The following MYO16 variants were observed in gnomAD, a reference collection of about 807,000 sequenced individuals.
The protein encoded by MYO16 is myosin XVI.
Under a neutral mutation model 205.3 loss-of-function variants are expected in MYO16, and 94 were observed. That is an observed-to-expected ratio of 0.46 (90% CI 0.39 to 0.54). MYO16 has a LOEUF of 0.54. MYO16 is among the 20% of genes least tolerant of loss of function. The pLI is 0.00. For missense variants in MYO16, 2,315 were observed against 2,387.5 expected (o/e 0.97, Z 0.63); for synonymous variants, 988 against 954.0 (o/e 1.04, Z -0.66).
chr13:108,520,282 CGAT>C, the MYO16 span, among the ~76,000 whole-genome samples: 3 of 151,764 alleles, frequency 2.0e-5, no homozygotes, highest in Non-Finnish European at 2.9e-5. Flanking sequence ...ATTTACAAAA[CGAT>C]AATATGCACA....
At chr13:109,015,579 A>G (rs766501562) in intron 22 of MYO16, among the ~76,000 whole-genome samples, 10 of 152,142 alleles carry the variant, frequency 6.6e-5, no homozygotes, top group Non-Finnish European at 1.3e-4. Flanking sequence ...TTGGCTGTGA[A>G]TCCATCTGGT....
Position 108,957,739 on chromosome 13 carries a change from G to A in MYO16, c.1977G>A (p.Leu659=). ...ATGCATCCACAGGGGAGCGTTCTCT[G>A]AACAGGGAGAAATTGGCTGTTTTGA... The part of the protein sequence containing the change: ...QDDASTGERS[L]NREKLAVLKR... Residue 659 remains leucine (L), a synonymous_variant, in exon 17 of 35, where the codon CTG becomes CTA. Transcript: ENST00000457511. 1 of 1,613,654 alleles carries A rather than the reference G, an allele frequency of 6.2e-7. No homozygotes were observed. Among genetic ancestry groups the A allele is most frequent in the Non-Finnish European group, 8.5e-7 (1 of 1,179,626 alleles).
chr13:108,774,287 T>C (rs1489952391), intron 4 of MYO16, among the ~76,000 whole-genome samples: 2 of 152,220 alleles, frequency 1.3e-5, no homozygotes, highest in Non-Finnish European at 2.9e-5. Flanking sequence ...AAATTAAATT[T>C]CCATTTGTAG....
intron 16 of MYO16, among the ~76,000 whole-genome samples, chr13:108,923,570 C>A (rs1281972605): frequency 1.3e-5 from 2 of 152,210 alleles, no homozygotes; most frequent in African/African-American, 4.8e-5. Flanking sequence ...TATGGCCAAC[C>A]CGCTGGCCAG....
rs117315105 is a variant in MYO16 at position 109,053,099 on chromosome 13, C to T, written c.3048+624C>T. Among the ~76,000 whole-genome samples the T allele has an allele frequency of 4.9e-3, 744 of 152,196 alleles. 6 individuals carry two copies. Among genetic ancestry groups the T allele is most frequent in the Non-Finnish European group, 7.3e-3 (494 of 67,986 alleles). ...ATGTATGGAATGTTTTAGGTTTCTT[C>T]AGAATCCAGTGCCAGATGGTATTCC... On this transcript the variant is annotated intron_variant, in intron 25 of 34. Coordinates refer to ENST00000457511, the MANE Select transcript of MYO16 (RefSeq NM_001198950.3).
rs781483354 is a variant in MYO16 at position 108,629,720 on chromosome 13, A to G, written c.-125A>G. On this transcript the variant is annotated 5_prime_UTR_variant, in exon 1 of 35. Coordinates refer to ENST00000457511, the MANE Select transcript of MYO16 (RefSeq NM_001198950.3). Reference sequence around the variant, plus strand: ...GATCATGGAACAGAGCCTCCATGCAATAGTGCATCCTGAGGTAAACTGTTA... The same window carrying G: ...GATCATGGAACAGAGCCTCCATGCAGTAGTGCATCCTGAGGTAAACTGTTA... 1.6e-5 allele frequency: 13 copies of G among 806,510 alleles called. No homozygotes were observed. Among genetic ancestry groups the G allele is most frequent in the East Asian group, 8.2e-5 (3 of 36,488 alleles). 50.0% of individuals were successfully genotyped at this position (806,510 alleles called of 1,614,324 possible). A position where few individuals can be genotyped will look rare whatever the true frequency, so the allele number is the denominator to read the frequency against.
At chr13:108,794,143 AAAG>A (rs1322509221) in intron 6 of MYO16, among the ~76,000 whole-genome samples, 1 of 152,226 alleles carries the variant, frequency 6.6e-6, no homozygotes, top group Non-Finnish European at 1.5e-5. Flanking sequence ...ACATGGACAC[AAAG>A]AAGGAGACGA....
chr13:109,036,528 C>T (rs879757064), intron 23 of MYO16, among the ~76,000 whole-genome samples: 22 of 152,288 alleles, frequency 1.4e-4, no homozygotes, highest in Admixed American at 1.3e-3. Context: ...TCACTGCTCT[C>T]AAGTTTATAT....
chr13:108,712,644 C>T lies in MYO16; in HGVS notation c.293-17C>T. On this transcript the variant is annotated splice_polypyrimidine_tract_variant and intron_variant, in intron 2 of 34. Transcript: ENST00000457511. ...AAGGACTCTCTGTAACTCCATTCTC[C>T]TCTCTGTTGTTTTCAGTGCTTCGGC... The T allele has an allele frequency of 6.2e-7, 1 of 1,611,850 alleles. No homozygotes were observed. Among genetic ancestry groups the T allele is most frequent in the Non-Finnish European group, 8.5e-7 (1 of 1,177,868 alleles).
intron 2 of MYO16, among the ~76,000 whole-genome samples, chr13:108,691,937 G>C (rs1252746436): frequency 6.6e-6 from 1 of 152,158 alleles, no homozygotes; most frequent in Non-Finnish European, 1.5e-5. Context: ...CCTTGGTTTA[G>C]AGGTCACAAC....
At chr13:108,585,307 G>A in the MYO16 span, among the ~76,000 whole-genome samples, 1 of 152,150 alleles carries the variant, frequency 6.6e-6, no homozygotes, top group Non-Finnish European at 1.5e-5. Flanking sequence ...TCAGAAAGGC[G>A]AGACAACTCA....
At chr13:108,852,669 C>T (rs1431395922) in intron 10 of MYO16, among the ~76,000 whole-genome samples, 2 of 152,118 alleles carry the variant, frequency 1.3e-5, no homozygotes, top group South Asian at 2.1e-4. Context: ...GCATCCCTCC[C>T]GCCAACAGCT....
At chr13:108,853,596 A>ATTT (rs35080410) in intron 10 of MYO16, among the ~76,000 whole-genome samples, 5 of 130,276 alleles carry the variant, frequency 3.8e-5, no homozygotes, top group African/African-American at 1.2e-4. Context: ...TGAGATCTAG[A>ATTT]TTTTTTTTTT....
chr13:108,922,663 G>A (rs888103480), intron 16 of MYO16, among the ~76,000 whole-genome samples: 2 of 152,166 alleles, frequency 1.3e-5, no homozygotes, highest in African/African-American at 4.8e-5. Context: ...CCAGACATAC[G>A]TCGTAGGAGT....
chr13:108,740,913 G>A (rs1359207718), intron 4 of MYO16, among the ~76,000 whole-genome samples: 1 of 152,156 alleles, frequency 6.6e-6, no homozygotes, highest in African/African-American at 2.4e-5. Context: ...GAGGCTCTGT[G>A]GGCGTGGGAC....
intron 3 of MYO16, 71 bp from the exon 4 acceptor site, chr13:108,727,369 C>T: frequency 2.0e-6 from 3 of 1,484,344 alleles, no homozygotes; most frequent in Admixed American, 2.1e-5. Flanking sequence ...TTTTTTAAAT[C>T]TGTGGACATT....
At chr13:108,626,875 T>C (rs904855280), upstream of MYO16, among the ~76,000 whole-genome samples, 2 of 147,080 alleles carry the variant, frequency 1.4e-5, no homozygotes, top group African/African-American at 4.9e-5. Flanking sequence ...TATACATGTA[T>C]ATATGTATAT....
chr13:108,556,443 G>A, the MYO16 span, among the ~76,000 whole-genome samples: 1 of 152,042 alleles, frequency 6.6e-6, no homozygotes. Context: ...TTTGAGAAAT[G>A]TCTCTTCAGA....
chr13:108,907,899 C>T (rs997974538), intron 15 of MYO16, among the ~76,000 whole-genome samples: 2 of 152,104 alleles, frequency 1.3e-5, no homozygotes, highest in African/African-American at 4.8e-5. Flanking sequence ...TTCATTCTCC[C>T]TTCTCATCTG....
Sources: allele counts gnomAD v4.1 joint callset (sites outside exome capture counted in the v4.1 genomes callset), GRCh38; gene constraint gnomAD v4.1.1; transcripts MANE v1.5; gene names NCBI Gene and HGNC (gene_info 2026-07-23, HGNC 2026-07-21).